The following INTS4 variants were observed in gnomAD, a reference collection of about 807,000 sequenced individuals.
INTS4 encodes integrator complex subunit 4, also known as MSTP093.
A neutral mutation model predicts 119.5 loss-of-function variants in INTS4; 70 were observed. The ratio of observed to expected loss-of-function variants is 0.59; its 90% CI spans 0.48 to 0.71. The LOEUF (loss-of-function observed/expected upper bound fraction) is 0.71, where lower values mean the gene tolerates loss of function less well. Ranked by LOEUF, INTS4 falls within the 30% of genes least tolerant of loss-of-function variation. The pLI is 0.00. For synonymous variants in INTS4, 316 were observed against 419.6 expected (o/e 0.75, Z 3.02); for missense variants, 867 against 1,173.2 (o/e 0.74, Z 3.81).
At chr11:77,979,202 G>T in intron 3 of INTS4, 100 bp from the exon 4 acceptor site, 2 of 650,458 alleles carry the variant, frequency 3.1e-6, no homozygotes, top group Non-Finnish European at 5.7e-6. Context: ...TAGGCGCAGT[G>T]ACTCACAACT....
chr11:77,919,106 T>G (rs1216191414), intron 14 of INTS4, 128 bp from the exon 15 acceptor site: 2 of 966,470 alleles, frequency 2.1e-6, no homozygotes, highest in Non-Finnish European at 3.1e-6. Flanking sequence ...GGCTAGGATA[T>G]TCTATAAATA....
chr11:77,902,847 A>C (rs1001740870), intron 17 of INTS4, among the ~76,000 whole-genome samples: 1 of 152,212 alleles, frequency 6.6e-6, no homozygotes, highest in Admixed American at 6.5e-5. Flanking sequence ...AGCCTACTTA[A>C]TGAACTACCC....
chr11:77,874,487 T>C (rs1951545254), downstream of INTS4, among the ~76,000 whole-genome samples: 1 of 152,068 alleles, frequency 6.6e-6, no homozygotes, highest in South Asian at 2.1e-4. Context: ...GAGAACTTAG[T>C]GTAAACTTCT....
At chr11:77,918,578 C>T (rs1565243345) in intron 15 of INTS4, 2 of 408,022 alleles carry the variant, frequency 4.9e-6, no homozygotes, top group South Asian at 4.9e-5. Context: ...AAACTAAAAA[C>T]AGGTTCTTTG....
Position 77,918,909 on chromosome 11 carries a change from G to A in INTS4, c.1834C>T (p.Gln612Ter), listed in dbSNP as rs1477475981. The change falls in exon 15 of 23, where the codon CAG (glutamine) becomes TAG (stop). Residue 612 changes from glutamine (Q) to a stop codon, truncating the protein, a stop_gained. Transcript: ENST00000534064. LOFTEE classifies it high-confidence loss of function. ...SIIPQEDPSQ[Q>*]FLQQSLERVY... Reference sequence around the variant, plus strand: ...CTTTCAAGGCTCTGCTGCAGGAACTGCTGGGAAGGATCCTCTTGAGGTATG... The same window carrying A: ...CTTTCAAGGCTCTGCTGCAGGAACTACTGGGAAGGATCCTCTTGAGGTATG... 1 of 1,613,990 alleles carries A rather than the reference G, an allele frequency of 6.2e-7. No homozygotes were observed.
intron 1 of INTS4, 96 bp downstream of exon 1, chr11:77,994,494 G>A: frequency 1.1e-6 from 1 of 941,928 alleles, no homozygotes. Flanking sequence ...ACTTAACACG[G>A]GCGTATGGAG....
intron 2 of INTS4, among the ~76,000 whole-genome samples, chr11:77,981,998 T>C (rs1032325385): frequency 2.6e-5 from 4 of 152,160 alleles, no homozygotes; most frequent in Non-Finnish European, 2.9e-5. Context: ...GTAGTCATGT[T>C]AGACACAAGT....
intron 15 of INTS4, among the ~76,000 whole-genome samples, chr11:77,910,098 T>C (rs1953055093): frequency 6.6e-6 from 1 of 152,134 alleles, no homozygotes; most frequent in Non-Finnish European, 1.5e-5. Context: ...ACTGGGTATA[T>C]ACCCAAAGGA....
downstream of INTS4, chr11:77,878,711 T>C: frequency 1.4e-6 from 1 of 695,228 alleles, no homozygotes; most frequent in Non-Finnish European, 2.6e-6. Flanking sequence ...GACCAGGAAC[T>C]AGAACAGCTT....
chr11:77,953,374 C>T (rs1853092004), intron 8 of INTS4, among the ~76,000 whole-genome samples: 1 of 152,088 alleles, frequency 6.6e-6, no homozygotes, highest in Non-Finnish European at 1.5e-5. Flanking sequence ...TAGTATAGTA[C>T]TTTTTAGTTT....
intron 8 of INTS4, among the ~76,000 whole-genome samples, chr11:77,954,036 T>C (rs1375376638): frequency 6.6e-6 from 1 of 151,860 alleles, no homozygotes; most frequent in Non-Finnish European, 1.5e-5. Context: ...ATGGTCTCGA[T>C]CTCTTGACCT....
chr11:77,938,493 C>T (rs1953854604), intron 10 of INTS4, among the ~76,000 whole-genome samples, 158 bp downstream of exon 10: 1 of 152,126 alleles, frequency 6.6e-6, no homozygotes, highest in Non-Finnish European at 1.5e-5. Context: ...ACTACTGGGG[C>T]CTCAGTCTCT....
intron 3 of INTS4, among the ~76,000 whole-genome samples, chr11:77,979,423 C>T (rs1240616838): frequency 1.3e-5 from 2 of 151,700 alleles, no homozygotes; most frequent in African/African-American, 2.4e-5. Context: ...AGCAGTGAGC[C>T]GTAATCGCGC....
At chr11:77,961,290 G>C in intron 4 of INTS4, 152 bp from the exon 5 acceptor site, 1 of 1,055,028 alleles carries the variant, frequency 9.5e-7, no homozygotes. Context: ...AGTCTGTCTA[G>C]CATCATGTTA....
At chr11:77,885,960 C>T (rs1242987582) in intron 21 of INTS4, among the ~76,000 whole-genome samples, 3 of 152,032 alleles carry the variant, frequency 2.0e-5, no homozygotes, top group South Asian at 2.1e-4. Flanking sequence ...CAGCATTTTG[C>T]GGGGCTGAGG....
intron 15 of INTS4, among the ~76,000 whole-genome samples, chr11:77,909,280 C>T (rs1223974794): frequency 6.6e-6 from 1 of 152,218 alleles, no homozygotes; most frequent in East Asian, 1.9e-4. Flanking sequence ...AATTTCTGGA[C>T]ATCTGGAAAA....
At chr11:77,940,453 C>T (rs1222016016) in intron 9 of INTS4, among the ~76,000 whole-genome samples, 2 of 151,916 alleles carry the variant, frequency 1.3e-5, no homozygotes, top group East Asian at 1.9e-4. Flanking sequence ...GAAAAAATGG[C>T]GTGGGGTTGG....
At chr11:77,950,363 T>TA (rs112511764) in intron 8 of INTS4, among the ~76,000 whole-genome samples, 45 of 148,630 alleles carry the variant, frequency 3.0e-4, no homozygotes, top group Middle Eastern at 3.5e-3. Flanking sequence ...CTTAAAGTAT[T>TA]AAAAAAAAAA....
chr11:77,970,305 A>T (rs1238442410), intron 4 of INTS4, among the ~76,000 whole-genome samples: 1 of 152,166 alleles, frequency 6.6e-6, no homozygotes, highest in African/African-American at 2.4e-5. Flanking sequence ...AGGCTGAGGC[A>T]GGAGAATTGC....
Sources: allele counts gnomAD v4.1 joint callset (sites outside exome capture counted in the v4.1 genomes callset), GRCh38; gene constraint gnomAD v4.1.1; transcripts MANE v1.5; gene names NCBI Gene and HGNC (gene_info 2026-07-23, HGNC 2026-07-21).